The following KCNQ2 variants were observed in gnomAD, a reference collection of about 807,000 sequenced individuals.
KCNQ2 encodes the protein potassium voltage-gated channel subfamily Q member 2.
KCNQ2 carries 14 observed loss-of-function variants against 84.8 expected under a neutral mutation model. The observed-to-expected ratio is 0.17, with a 90% confidence interval of 0.11 to 0.26. The LOEUF is 0.26. Ranked by LOEUF, KCNQ2 falls within the 10% of genes least tolerant of loss-of-function variation. KCNQ2 has a pLI of 1.00. For missense variants in KCNQ2, 788 were observed against 1,254.0 expected (o/e 0.63, Z 5.61); for synonymous variants, 599 against 554.1 (o/e 1.08, Z -1.14).
intron 1 of KCNQ2, among the ~76,000 whole-genome samples, chr20:63,467,310 C>A (rs1192856532): frequency 6.6e-6 from 1 of 152,234 alleles, no homozygotes; most frequent in African/African-American, 2.4e-5. Flanking sequence ...CTCTGTGTAG[C>A]AGATTCATCT....
chr20:63,442,472 C>T lies in KCNQ2; in HGVS notation c.750G>A (p.Val250=). The T allele has an allele frequency of 6.2e-7, 1 of 1,613,822 alleles. No individual in the cohort carries two copies. The highest frequency in any genetic ancestry group is 8.5e-7 in the Non-Finnish European group (1 of 1,179,956). The change falls in exon 5 of 17, where the codon GTG becomes GTA. Residue 250 remains valine, a synonymous_variant. Coordinates refer to ENST00000359125, the MANE Select transcript of KCNQ2 (RefSeq NM_172107.4). ...FLCLILASFL[V]YLAEKGENDH... ...CGTTCTCCCCCTTCTCTGCCAAGTACACCAGGAACGAGGCCAGGATGAGAC... is the reference window on the plus strand; with the variant it reads ...CGTTCTCCCCCTTCTCTGCCAAGTATACCAGGAACGAGGCCAGGATGAGAC...
At chr20:63,472,012 C>T (rs1177440076) in intron 1 of KCNQ2, among the ~76,000 whole-genome samples, 156 bp downstream of exon 1, 1 of 152,134 alleles carries the variant, frequency 6.6e-6, no homozygotes, top group Non-Finnish European at 1.5e-5. Flanking sequence ...GCTCTCCGGT[C>T]TCGGCCCAGC....
rs1320069349 is a variant in KCNQ2 at position 63,442,535 on chromosome 20, A to T, written c.691-4T>A. ...TGTACCAGGCAGTGACCAGCTCCTG[A>T]GAGGCAGACGGCACCACCATCATGA... On this transcript the variant is annotated splice_region_variant and splice_polypyrimidine_tract_variant and intron_variant, in intron 4 of 16. Coordinates refer to ENST00000359125, the MANE Select transcript of KCNQ2 (RefSeq NM_172107.4). The T allele has an allele frequency of 4.3e-6, 7 of 1,612,962 alleles. No homozygotes were observed. The South Asian group carries it at 7.7e-5, about 18-fold the overall frequency.
At position 63,431,483 on chromosome 20, in the gene KCNQ2, C is replaced by T. The variant is rs951297906; in HGVS notation, c.1119-114G>A. 4.9e-6 allele frequency: 6 copies of T among 1,228,632 alleles called. No homozygotes were observed. In the South Asian group the frequency reaches 6.1e-5, roughly 12 times the overall value. The allele number at this position is 1,228,632 out of a possible 1,614,324, so 76.1% of individuals were successfully genotyped here. ...GAGGAAAGTAGGGGAAACAACAGAA[C>T]AAAGAAAATTAGCACAAGGGCTGGT... On this transcript the variant is annotated intron_variant, in intron 8 of 16. Coordinates refer to ENST00000359125, the MANE Select transcript of KCNQ2 (RefSeq NM_172107.4).
chr20:63,460,286 G>C lies in KCNQ2; in HGVS notation c.296+11882C>G, dbSNP rs2081916080. 6.6e-6 allele frequency among the ~76,000 whole-genome samples: 1 copy of C among 152,134 alleles called. No homozygotes were observed. Among genetic ancestry groups the C allele is most frequent in the Non-Finnish European group, 1.5e-5 (1 of 68,004 alleles). ...CTTCATGAGGTCCCAGGGGAGCTGG[G>C]GTGGAGAGGGGCTCCCCCCACCCTC... On this transcript the variant is annotated intron_variant, in intron 1 of 16. Transcript: ENST00000359125. This position sits in a 1 kb window ranked among gnomAD's most constrained non-coding sequence, Gnocchi z 5.4.
chr20:63,442,761 C>T (rs1360266176), intron 4 of KCNQ2, among the ~76,000 whole-genome samples: 6 of 77,974 alleles, frequency 7.7e-5, no homozygotes, highest in Admixed American at 1.3e-4. Flanking sequence ...ATCACCATCA[C>T]CACCATCACC....
chr20:63,433,926 G>A (rs949772471), intron 7 of KCNQ2, 23 bp from the exon 8 acceptor site: 2 of 1,609,580 alleles, frequency 1.2e-6, no homozygotes, highest in Non-Finnish European at 1.7e-6. Context: ...AGACAAGGCA[G>A]TTGGCGAGGG....
Position 63,406,884 on chromosome 20 carries a change from C to A in KCNQ2, c.2379G>T (p.Val793=). 6.2e-7 allele frequency: 1 copy of A among 1,611,930 alleles called. No individual in the cohort carries two copies. The highest frequency in any genetic ancestry group is 8.5e-7 in the Non-Finnish European group (1 of 1,179,652). The change falls in exon 17 of 17, where the codon GTG becomes GTT. Residue 793 remains valine, a synonymous_variant. Transcript: ENST00000359125. ...AGGAACGCTCCAGCTCCTCGTGGTC[C>A]ACGGACGGGATGGAGATGGACGTGT... ...DSDTSISIPS[V]DHEELERSFS... is the part of the protein sequence containing the mutation.
At chr20:63,443,988 A>G (rs1287240936) in intron 4 of KCNQ2, among the ~76,000 whole-genome samples, 4 of 152,218 alleles carry the variant, frequency 2.6e-5, no homozygotes, top group Admixed American at 2.6e-4. Context: ...TGCCCACTGC[A>G]GTCAGCACTC....
intron 9 of KCNQ2, among the ~76,000 whole-genome samples, chr20:63,430,002 G>A (rs549193990): frequency 5.6e-4 from 86 of 152,322 alleles, no homozygotes; most frequent in African/African-American, 2.0e-3. Flanking sequence ...TGTTGTGGGC[G>A]CAGCAGAGCC....
chr20:63,406,571 G>A lies in KCNQ2; in HGVS notation c.*73C>T, dbSNP rs1342360077. The A allele has an allele frequency of 1.4e-6, 2 of 1,470,388 alleles. No individual in the cohort carries two copies. The highest frequency in any genetic ancestry group is 2.4e-5 in the East Asian group (1 of 41,240). The allele number at this position is 1,470,388 out of a possible 1,614,324, so 91.1% of individuals were successfully genotyped here. The stretch of plus-strand genomic sequence containing the variant: ...TTACTGTAAGAAAAGGGCCCCAGAG[G>A]GTTCCCGCCTCAAAACCTCGGAGGC... On this transcript the variant is annotated 3_prime_UTR_variant, in exon 17 of 17. Coordinates refer to ENST00000359125, the MANE Select transcript of KCNQ2 (RefSeq NM_172107.4).
Position 63,454,238 on chromosome 20 carries a change from C to T in KCNQ2, c.297-7401G>A, listed in dbSNP as rs80286016. Among the ~76,000 whole-genome samples the T allele has an allele frequency of 9.1e-3, 1,383 of 152,338 alleles. 29 individuals are homozygous for T. Among genetic ancestry groups the T allele is most frequent in the African/African-American group, 0.032 (1,333 of 41,584 alleles). On this transcript the variant is annotated intron_variant, in intron 1 of 16. Coordinates refer to ENST00000359125, the MANE Select transcript of KCNQ2 (RefSeq NM_172107.4). ...CCCATCTGCCCCCGCCTCGCCGGCCCGCAGACCCTGCATGAAGGAAGCAGC... is the reference window on the plus strand; with the variant it reads ...CCCATCTGCCCCCGCCTCGCCGGCCTGCAGACCCTGCATGAAGGAAGCAGC...
chr20:63,441,917 CT>C (rs1253156369), intron 5 of KCNQ2, among the ~76,000 whole-genome samples: 1 of 152,232 alleles, frequency 6.6e-6, no homozygotes, highest in African/African-American at 2.4e-5. Context: ...AGCACAGACC[CT>C]GCCCCTGTGC....
intron 1 of KCNQ2, among the ~76,000 whole-genome samples, chr20:63,463,141 T>C (rs1403055287): frequency 1.3e-5 from 2 of 151,884 alleles, no homozygotes; most frequent in Admixed American, 1.3e-4. Flanking sequence ...AAGGGGGTCA[T>C]CTCCCAGCTA....
At chr20:63,462,370 G>T (rs531588906) in intron 1 of KCNQ2, among the ~76,000 whole-genome samples, 25 of 116,532 alleles carry the variant, frequency 2.1e-4, no homozygotes, top group South Asian at 1.3e-3. Flanking sequence ...GGGAGGAGGC[G>T]GCACCTACCC....
chr20:63,420,036 G>T (rs1353167919), intron 11 of KCNQ2, among the ~76,000 whole-genome samples: 1 of 152,250 alleles, frequency 6.6e-6, no homozygotes, highest in East Asian at 1.9e-4. Context: ...TGGGAAGGAC[G>T]TGACCCCGGG....
In KCNQ2 at chr20:63,445,409, G is replaced by T. The variant is rs529316131; in HGVS notation, c.388-45C>A. The stretch of plus-strand genomic sequence containing the variant: ...AGGCCACCTTGAGGCCTGGGGGAGG[G>T]CCTGGGGGCCCAGCCTGGACACCCA... On this transcript the variant is annotated intron_variant, in intron 2 of 16. Transcript: ENST00000359125. 5.0e-6 allele frequency: 8 copies of T among 1,608,278 alleles called. No individual in the cohort carries two copies. The South Asian group carries it at 8.8e-5, about 18-fold the overall frequency.
chr20:63,418,653 C>T (rs1323174488), intron 12 of KCNQ2, among the ~76,000 whole-genome samples: 1 of 152,190 alleles, frequency 6.6e-6, no homozygotes, highest in Non-Finnish European at 1.5e-5. Context: ...GCTCCGGACA[C>T]GCAGGACAGC....
chr20:63,432,028 C>G (rs1218392248), intron 8 of KCNQ2, among the ~76,000 whole-genome samples: 1 of 149,014 alleles, frequency 6.7e-6, no homozygotes, highest in Non-Finnish European at 1.5e-5. Context: ...AGGGAAGGCT[C>G]CACCCTCAGG....
Sources: allele counts gnomAD v4.1 joint callset (sites outside exome capture counted in the v4.1 genomes callset), GRCh38; gene constraint gnomAD v4.1.1; non-coding constraint Gnocchi (gnomAD v3.1); transcripts MANE v1.5; gene names NCBI Gene and HGNC (gene_info 2026-07-23, HGNC 2026-07-21).